Variants in BCKDHB observed in about 807,000 individuals in gnomAD.
The protein encoded by BCKDHB is 2-oxoisovalerate dehydrogenase subunit beta, mitochondrial.
Under a neutral mutation model 48.5 loss-of-function variants are expected in BCKDHB, and 41 were observed. The observed-to-expected ratio is 0.85, with a 90% CI of 0.66 to 1.10. The LOEUF (loss-of-function observed/expected upper bound fraction) is 1.10, where lower values mean the gene tolerates loss of function less well. Ranked by LOEUF, BCKDHB falls within the 50% of genes least tolerant of loss-of-function variation. The pLI is 0.00. For synonymous variants in BCKDHB, 201 were observed against 174.8 expected (o/e 1.15, Z -1.18); for missense variants, 496 against 494.2 (o/e 1.00, Z -0.03).
chr6:80,270,726 A>T (rs1295267701), intron 8 of BCKDHB, among the ~76,000 whole-genome samples: 1 of 152,066 alleles, frequency 6.6e-6, no homozygotes, highest in Non-Finnish European at 1.5e-5. Context: ...GGGCCAAGTG[A>T]TGAGCTGGAT....
chr6:80,184,236 A>G (rs997645536), intron 6 of BCKDHB, among the ~76,000 whole-genome samples: 23 of 152,148 alleles, frequency 1.5e-4, no homozygotes, highest in African/African-American at 5.5e-4. Context: ...GTTGCTTTAA[A>G]GTCTGTTTTG....
chr6:80,406,145 G>A, the BCKDHB span, among the ~76,000 whole-genome samples: 2 of 152,146 alleles, frequency 1.3e-5, no homozygotes, highest in South Asian at 4.1e-4. Context: ...TCCCTGCAAA[G>A]GAAATGAATT....
intron 3 of BCKDHB, among the ~76,000 whole-genome samples, chr6:80,153,554 G>A (rs1275504875): frequency 2.6e-5 from 4 of 152,116 alleles, no homozygotes; most frequent in Non-Finnish European, 5.9e-5. Flanking sequence ...AGTGCCAATT[G>A]TCAGGGGATT....
At chr6:80,148,406 C>T (rs1259989143) in intron 3 of BCKDHB, among the ~76,000 whole-genome samples, 1 of 152,082 alleles carries the variant, frequency 6.6e-6, no homozygotes, top group Non-Finnish European at 1.5e-5. Flanking sequence ...AGCTCTTTCT[C>T]TTAGATCCTG....
chr6:80,189,231 A>G (rs1773785392), intron 6 of BCKDHB, among the ~76,000 whole-genome samples: 1 of 152,176 alleles, frequency 6.6e-6, no homozygotes, highest in East Asian at 1.9e-4. Flanking sequence ...AACATTTTAT[A>G]TATACCTTTA....
At chr6:80,220,915 A>G (rs1775419770) in intron 8 of BCKDHB, among the ~76,000 whole-genome samples, 1 of 151,430 alleles carries the variant, frequency 6.6e-6, no homozygotes, top group African/African-American at 2.4e-5. Flanking sequence ...TTGTATTTTT[A>G]GTAGAGACAG....
At chr6:80,385,191 T>C in the BCKDHB span, among the ~76,000 whole-genome samples, 1 of 152,240 alleles carries the variant, frequency 6.6e-6, no homozygotes, top group Middle Eastern at 3.4e-3. Context: ...AGGGATTCTG[T>C]CTCCCAGCTT....
intron 3 of BCKDHB, among the ~76,000 whole-genome samples, chr6:80,152,025 A>G (rs1771809862): frequency 1.3e-5 from 2 of 152,180 alleles, no homozygotes; most frequent in Admixed American, 6.6e-5. Context: ...AAAAATTTCA[A>G]TGGCTTGCCC....
Position 80,238,473 on chromosome 6 carries a change from A to C in BCKDHB, c.952-34662A>C, listed in dbSNP as rs1049830667. On this transcript the variant is annotated intron_variant, in intron 8 of 9. Transcript: ENST00000320393. ...ACATTAAGTTAATAGAGTTCAGTTG[A>C]GCAAATAACAACTCGTGAATCTGGC... 5.9e-5 allele frequency among the ~76,000 whole-genome samples: 9 copies of C among 152,348 alleles called. No homozygotes were observed. In the South Asian group the frequency reaches 1.2e-3, roughly 21 times the overall value.
At chr6:80,453,906 A>G in the BCKDHB span, among the ~76,000 whole-genome samples, 1 of 152,118 alleles carries the variant, frequency 6.6e-6, no homozygotes, top group African/African-American at 2.4e-5. Context: ...TACTGCCTAG[A>G]ATAAGTGGTT....
chr6:80,394,962 C>T, the BCKDHB span, among the ~76,000 whole-genome samples: 6 of 152,180 alleles, frequency 3.9e-5, no homozygotes, highest in Admixed American at 3.3e-4. Context: ...TGGCATATCT[C>T]TCCTGCTGCC....
At chr6:80,417,289 G>A in the BCKDHB span, among the ~76,000 whole-genome samples, 31 of 152,082 alleles carry the variant, frequency 2.0e-4, no homozygotes, top group African/African-American at 6.5e-4. Context: ...GTGGGTCTTG[G>A]TTCTTTATCT....
intron 9 of BCKDHB, among the ~76,000 whole-genome samples, chr6:80,314,224 A>G (rs1480582650): frequency 1.3e-5 from 2 of 152,222 alleles, no homozygotes; most frequent in Non-Finnish European, 2.9e-5. Flanking sequence ...AAGAATGTAT[A>G]TGCTCTTCTA....
chr6:80,334,093 G>A (rs1769448884), intron 9 of BCKDHB, among the ~76,000 whole-genome samples: 1 of 152,064 alleles, frequency 6.6e-6, no homozygotes, highest in South Asian at 2.1e-4. Context: ...AAATTTGAAT[G>A]TGAAAATGTG....
chr6:80,245,249 T>C (rs573932456), intron 8 of BCKDHB, among the ~76,000 whole-genome samples: 61 of 152,240 alleles, frequency 4.0e-4, no homozygotes, highest in African/African-American at 1.4e-3. Flanking sequence ...ACAATTTCAG[T>C]AGTATTTTCT....
rs147450518 is a variant in BCKDHB at position 80,146,341 on chromosome 6, G to A, written c.343+17112G>A. 1.8e-3 allele frequency among the ~76,000 whole-genome samples: 275 copies of A among 152,240 alleles called. 1 individual carries two copies. Among genetic ancestry groups the A allele is most frequent in the African/African-American group, 6.3e-3 (261 of 41,544 alleles). On this transcript the variant is annotated intron_variant, in intron 3 of 9. Coordinates refer to ENST00000320393, the MANE Select transcript of BCKDHB (RefSeq NM_183050.4). ...ATATAAAATGATAAAAATAACGCCT[G>A]GTAACTTCGTTTCTTTTATTTAGGC...
intron 4 of BCKDHB, among the ~76,000 whole-genome samples, chr6:80,168,372 A>G (rs1057248288): frequency 6.9e-6 from 1 of 144,108 alleles, no homozygotes; most frequent in Admixed American, 6.9e-5. Flanking sequence ...AGAGGAAGGG[A>G]AAGACAAGAC....
At chr6:80,451,938 G>A in the BCKDHB span, among the ~76,000 whole-genome samples, 1 of 152,090 alleles carries the variant, frequency 6.6e-6, no homozygotes, top group African/African-American at 2.4e-5. Flanking sequence ...ACCAATATCT[G>A]TGATGTCAAA....
At chr6:80,257,794 T>G (rs929580557) in intron 8 of BCKDHB, among the ~76,000 whole-genome samples, 1 of 152,056 alleles carries the variant, frequency 6.6e-6, no homozygotes, top group African/African-American at 2.4e-5. Flanking sequence ...CCTAGAGTTG[T>G]TGCCCAAGGA....
Sources: gnomAD v4.1 joint callset for allele counts (sites outside exome capture counted in the v4.1 genomes callset) on GRCh38, gnomAD v4.1.1 for gene constraint, MANE v1.5 for transcripts, NCBI Gene and HGNC (gene_info 2026-07-23, HGNC 2026-07-21) for gene names.